The following LRP1B variants were observed in gnomAD, a reference collection of about 807,000 sequenced individuals.
LRP1B encodes LDL receptor related protein 1B.
A neutral mutation model predicts 556.6 loss-of-function variants in LRP1B; 217 were observed. That is an observed-to-expected ratio of 0.39 (90% CI 0.35 to 0.44). LRP1B has a LOEUF of 0.44. LRP1B is among the 20% of genes least tolerant of loss of function. LRP1B has a pLI of 1.00. For synonymous variants in LRP1B, 2,047 were observed against 1,865.8 expected (o/e 1.10, Z -2.50); for missense variants, 5,053 against 5,620.8 (o/e 0.90, Z 3.23).
intron 1 of LRP1B, among the ~76,000 whole-genome samples, chr2:142,070,219 G>C (rs1327286252): frequency 6.6e-6 from 1 of 151,720 alleles, no homozygotes; most frequent in Non-Finnish European, 1.5e-5. Flanking sequence ...TTTCTTATAA[G>C]AGAGAAGGAA....
At chr2:141,464,123 A>T (rs1156590322) in intron 3 of LRP1B, among the ~76,000 whole-genome samples, 1 of 151,954 alleles carries the variant, frequency 6.6e-6, no homozygotes, top group Admixed American at 6.6e-5. Context: ...TGAAGACATC[A>T]TTAGCCTCAT....
intron 87 of LRP1B, among the ~76,000 whole-genome samples, chr2:140,243,821 C>T (rs1008122497): frequency 3.3e-5 from 5 of 151,136 alleles, no homozygotes; most frequent in African/African-American, 1.2e-4. Context: ...GTTGTACCTG[C>T]TGTTCTTTAT....
At chr2:141,927,705 C>T (rs997128111) in intron 1 of LRP1B, among the ~76,000 whole-genome samples, 1 of 151,920 alleles carries the variant, frequency 6.6e-6, no homozygotes, top group East Asian at 1.9e-4. Flanking sequence ...ATATGGCAGC[C>T]TGCTGATGCC....
In LRP1B at chr2:140,867,854, T is replaced by G. The variant is rs764315097; in HGVS notation, c.4335-20A>C. On this transcript the variant is annotated intron_variant, in intron 26 of 90. Transcript: ENST00000389484. Reference sequence around the variant, plus strand: ...TCTGACCTACAGAAAGATAAATACATGAGTAGTTTGTCAAAACTCATTCAA... The same window carrying G: ...TCTGACCTACAGAAAGATAAATACAGGAGTAGTTTGTCAAAACTCATTCAA... 3 of 1,501,150 alleles carry G rather than the reference T, an allele frequency of 2.0e-6. No homozygotes were observed. Among genetic ancestry groups the G allele is most frequent in the Non-Finnish European group, 2.7e-6 (3 of 1,126,084 alleles). The allele number at this position is 1,501,150 out of a possible 1,614,324, so 93.0% of individuals were successfully genotyped here.
chr2:141,285,708 G>C (rs992036206), intron 3 of LRP1B, among the ~76,000 whole-genome samples: 4 of 146,478 alleles, frequency 2.7e-5, no homozygotes, highest in Admixed American at 1.4e-4. Flanking sequence ...CGCCCACCTC[G>C]GCCTCCCAAA....
chr2:140,976,032 C>G (rs917706310), intron 18 of LRP1B, among the ~76,000 whole-genome samples: 1 of 151,980 alleles, frequency 6.6e-6, no homozygotes, highest in Admixed American at 6.6e-5. Context: ...ATCATACCAC[C>G]TTAGCCTCCC....
At chr2:141,837,735 T>G (rs1447633112) in intron 1 of LRP1B, among the ~76,000 whole-genome samples, 1 of 152,086 alleles carries the variant, frequency 6.6e-6, no homozygotes, top group Non-Finnish European at 1.5e-5. Flanking sequence ...CTTGAATCAA[T>G]CAATGAATAA....
chr2:140,721,651 C>T (rs867379877), intron 35 of LRP1B, among the ~76,000 whole-genome samples: 3 of 143,014 alleles, frequency 2.1e-5, no homozygotes, highest in South Asian at 2.2e-4. Flanking sequence ...AGGTTCATGC[C>T]ATTCTCCTGC....
intron 1 of LRP1B, among the ~76,000 whole-genome samples, chr2:142,060,056 G>C (rs1704847093): frequency 6.6e-6 from 1 of 152,154 alleles, no homozygotes; most frequent in South Asian, 2.1e-4. Flanking sequence ...AAACTCGGGA[G>C]CTCTTGCTAG....
At position 141,427,646 on chromosome 2, in the gene LRP1B, T is replaced by C. The variant is rs557233740; in HGVS notation, c.343+52750A>G. ...TGACATATAAAATATGTTTACTTAA[T>C]ATTTTCATTTTCAAGTACTGGGTTT... On this transcript the variant is annotated intron_variant, in intron 3 of 90. Transcript: ENST00000389484. Among the ~76,000 whole-genome samples the C allele has an allele frequency of 3.9e-5, 6 of 152,342 alleles. No individual in the cohort carries two copies. In the South Asian group the frequency reaches 1.2e-3, roughly 32 times the overall value.
chr2:140,302,393 C>T (rs1358436329), intron 83 of LRP1B, among the ~76,000 whole-genome samples: 4 of 152,164 alleles, frequency 2.6e-5, no homozygotes, highest in African/African-American at 7.2e-5. Context: ...ACTTTGTCCT[C>T]CATGGCATAC....
chr2:142,029,513 C>G (rs1703616295), intron 1 of LRP1B, among the ~76,000 whole-genome samples: 2 of 151,766 alleles, frequency 1.3e-5, no homozygotes, highest in Non-Finnish European at 2.9e-5. Flanking sequence ...CAAATTATTT[C>G]TATATACAAA....
At chr2:141,206,804 G>A (rs1255252209) in intron 6 of LRP1B, among the ~76,000 whole-genome samples, 1 of 152,090 alleles carries the variant, frequency 6.6e-6, no homozygotes, top group African/African-American at 2.4e-5. Context: ...TGAGAGTGAG[G>A]CTATCTTCCT....
At chr2:140,834,111 A>T (rs1032010129) in intron 31 of LRP1B, among the ~76,000 whole-genome samples, 1 of 152,160 alleles carries the variant, frequency 6.6e-6, no homozygotes, top group African/African-American at 2.4e-5. Context: ...TTCCCCTCAG[A>T]ATCTTTTTGC....
chr2:140,990,929 G>A (rs962781569), intron 16 of LRP1B, among the ~76,000 whole-genome samples: 1 of 152,048 alleles, frequency 6.6e-6, no homozygotes, highest in South Asian at 2.1e-4. Context: ...TTGTTGAGTA[G>A]CAAATGCGTG....
At chr2:142,104,365 AG>A (rs1198133698) in intron 1 of LRP1B, among the ~76,000 whole-genome samples, 3 of 152,142 alleles carry the variant, frequency 2.0e-5, no homozygotes, top group African/African-American at 4.8e-5. Context: ...TGACATTAAA[AG>A]CCTCATCAGT....
chr2:140,303,012 CATATATATATATATATATAT>C lies in LRP1B; in HGVS notation c.12806-5063_12806-5044del, dbSNP rs59878403. The stretch of plus-strand genomic sequence containing the variant: ...ACCAATTCCAATTATAAATCTCCTT[CATATATATATATATATATAT>C]ATATATATATATATATATATGGACA... On this transcript the variant is annotated intron_variant, in intron 83 of 90. Coordinates refer to ENST00000389484, the MANE Select transcript of LRP1B (RefSeq NM_018557.3). Among the ~76,000 whole-genome samples, 34 of 82,830 alleles carry C rather than the reference CATATATATATATATATATAT, an allele frequency of 4.1e-4. 1 individual carries two copies. Among genetic ancestry groups the C allele is most frequent in the African/African-American group, 8.8e-4 (21 of 23,966 alleles). The allele number at this position is 82,830 out of a possible 152,430, so 54.3% of individuals were successfully genotyped here. A position where few individuals can be genotyped will look rare whatever the true frequency, so the allele number is the denominator to read the frequency against.
intron 7 of LRP1B, among the ~76,000 whole-genome samples, chr2:141,125,739 A>T (rs1393257805): frequency 6.6e-6 from 1 of 150,592 alleles, no homozygotes; most frequent in Non-Finnish European, 1.5e-5. Context: ...ATCCTTATTT[A>T]GGTCAGGCAT....
chr2:140,479,086 ATGT>A (rs1688107121), intron 59 of LRP1B, among the ~76,000 whole-genome samples: 1 of 152,002 alleles, frequency 6.6e-6, no homozygotes, highest in Admixed American at 6.6e-5. Flanking sequence ...CTGAAGGAAA[ATGT>A]TGTTCACCTG....
Sources: allele counts gnomAD v4.1 joint callset (sites outside exome capture counted in the v4.1 genomes callset), GRCh38; gene constraint gnomAD v4.1.1; transcripts MANE v1.5; gene names NCBI Gene and HGNC (gene_info 2026-07-23, HGNC 2026-07-21).